Variants in MARCHF11 observed in about 807,000 individuals in gnomAD.
MARCHF11 encodes membrane associated ring-CH-type finger 11.
In MARCHF11, 29 loss-of-function variants were observed where a neutral mutation model predicts 37.3. The observed-to-expected ratio is 0.78, with a 90% CI of 0.58 to 1.06. The LOEUF is 1.06. Among genes scored for constraint, MARCHF11 ranks in the 50% least tolerant of loss-of-function variants. The pLI is 0.00. For synonymous variants in MARCHF11, 233 were observed against 228.0 expected (o/e 1.02, Z -0.20); for missense variants, 482 against 533.4 (o/e 0.90, Z 0.95).
chr5:16,069,822 A>G lies in MARCHF11; in HGVS notation c.887-2029T>C, dbSNP rs561231817. Reference sequence around the variant, plus strand: ...CTTGGACAGACTATTACCTTTTTCCATCAGATAAAACAATGCCAGGTGGTG... The same window carrying G: ...CTTGGACAGACTATTACCTTTTTCCGTCAGATAAAACAATGCCAGGTGGTG... On this transcript the variant is annotated intron_variant, in intron 3 of 3. Coordinates refer to ENST00000332432, the MANE Select transcript of MARCHF11 (RefSeq NM_001102562.3). Among the ~76,000 whole-genome samples, 5 of 152,302 alleles carry G rather than the reference A, an allele frequency of 3.3e-5. 1 individual carries two copies. Among genetic ancestry groups the G allele is most frequent in the African/African-American group, 1.2e-4 (5 of 41,562 alleles).
intron 3 of MARCHF11, among the ~76,000 whole-genome samples, chr5:16,082,160 G>A (rs945432808): frequency 1.3e-5 from 2 of 152,210 alleles, no homozygotes; most frequent in African/African-American, 2.4e-5. Context: ...CCGCTTTCCA[G>A]GGGCTTTCCC....
At position 16,179,136 on chromosome 5, in the gene MARCHF11, CTGCTGCACACCGAGCGCG is replaced by C; in HGVS notation, c.422_439del (p.Thr141_Ser146del). The C allele has an allele frequency of 6.7e-7, 1 of 1,481,606 alleles. No individual in the cohort carries two copies. Among genetic ancestry groups the C allele is most frequent in the Non-Finnish European group, 8.9e-7 (1 of 1,123,024 alleles). The allele number at this position is 1,481,606 out of a possible 1,614,324, so 91.8% of individuals were successfully genotyped here. A position where few individuals can be genotyped will look rare whatever the true frequency, so the allele number is the denominator to read the frequency against. The stretch of plus-strand genomic sequence containing the variant: ...GCCGCCGCCACTGCTGCTGCTGCGG[CTGCTGCACACCGAGCGCG>C]TCTCGGGCTGGTCTCCGGCGCCCCG... On this transcript the variant is annotated inframe_deletion, in exon 1 of 4. Coordinates refer to ENST00000332432, the MANE Select transcript of MARCHF11 (RefSeq NM_001102562.3).
chr5:16,107,230 C>T (rs1325618276), intron 2 of MARCHF11, among the ~76,000 whole-genome samples: 1 of 152,150 alleles, frequency 6.6e-6, no homozygotes, highest in East Asian at 1.9e-4. Flanking sequence ...ATAAAATGTG[C>T]AGGCAAATTT....
chr5:16,110,875 G>A (rs1737125748), intron 2 of MARCHF11, among the ~76,000 whole-genome samples: 1 of 152,168 alleles, frequency 6.6e-6, no homozygotes, highest in African/African-American at 2.4e-5. Flanking sequence ...CCCATGTGTT[G>A]TGGGAGGGAC....
intron 3 of MARCHF11, among the ~76,000 whole-genome samples, chr5:16,084,077 T>C (rs1022647470): frequency 6.6e-6 from 1 of 152,216 alleles, no homozygotes; most frequent in African/African-American, 2.4e-5. Context: ...GTGAAACTTT[T>C]AGCTACTCCA....
chr5:16,112,948 C>A (rs766847320), intron 2 of MARCHF11, among the ~76,000 whole-genome samples: 1 of 152,140 alleles, frequency 6.6e-6, no homozygotes, highest in Admixed American at 6.5e-5. Context: ...GCCTCCCCAG[C>A]CACATGGAAC....
At chr5:16,078,216 A>T (rs938800277) in intron 3 of MARCHF11, among the ~76,000 whole-genome samples, 3 of 152,150 alleles carry the variant, frequency 2.0e-5, no homozygotes, top group Non-Finnish European at 4.4e-5. Context: ...CCTGCTCACC[A>T]TCTGTTTGAT....
At chr5:16,101,028 TAC>T (rs1007679577) in intron 2 of MARCHF11, among the ~76,000 whole-genome samples, 2 of 151,690 alleles carry the variant, frequency 1.3e-5, no homozygotes, top group Non-Finnish European at 2.9e-5. Flanking sequence ...GACTACAGGG[TAC>T]AGAGTCCACA....
intron 2 of MARCHF11, 92 bp from the exon 3 acceptor site, chr5:16,091,173 G>T: frequency 2.5e-5 from 25 of 1,004,682 alleles, no homozygotes; most frequent in Non-Finnish European, 3.0e-5. Flanking sequence ...TTTTCATAAT[G>T]TTAGACCCTT....
chr5:16,081,111 C>T (rs1579676138), intron 3 of MARCHF11, among the ~76,000 whole-genome samples: 1 of 152,146 alleles, frequency 6.6e-6, no homozygotes, highest in East Asian at 1.9e-4. Context: ...AATTCTTCTC[C>T]CCCATAGACT....
At chr5:16,115,318 G>A (rs1037464971) in intron 2 of MARCHF11, among the ~76,000 whole-genome samples, 51 of 152,176 alleles carry the variant, frequency 3.4e-4, no homozygotes, top group African/African-American at 1.1e-3. Context: ...CTGTGCGTCC[G>A]TGAATCTCAC....
rs1738444997 is a variant in MARCHF11, at chr5:16,179,730, A to AAGGTTCTGCAGCTGCGGC, written c.-173_-156dup. 2.7e-6 allele frequency: 1 copy of AAGGTTCTGCAGCTGCGGC among 366,842 alleles called. No homozygotes were observed. The highest frequency in any genetic ancestry group is 1.3e-4 in the South Asian group (1 of 7,708). The allele number at this position is 366,842 out of a possible 1,614,324, so 22.7% of individuals were successfully genotyped here. ...GGGGCGGGACGGGGAGGGGATGCGG[A>AAGGTTCTGCAGCTGCGGC]AGGTTCTGCAGCTGCGGCGGCGGCA... On this transcript the variant is annotated 5_prime_UTR_variant, in exon 1 of 4. Transcript: ENST00000332432.
chr5:16,076,295 A>ATT (rs11451511), intron 3 of MARCHF11, among the ~76,000 whole-genome samples: 1 of 151,944 alleles, frequency 6.6e-6, no homozygotes. Context: ...CTTTTTTATC[A>ATT]TTTTTTTTAA....
intron 2 of MARCHF11, among the ~76,000 whole-genome samples, chr5:16,128,424 CT>C (rs751230610): frequency 1.1e-4 from 16 of 152,158 alleles, no homozygotes; most frequent in Admixed American, 2.0e-4. Flanking sequence ...TTGTGCACAG[CT>C]TTGCAAGTTG....
chr5:16,175,719 C>CT (rs2126612424), intron 2 of MARCHF11, among the ~76,000 whole-genome samples: 1 of 152,320 alleles, frequency 6.6e-6, no homozygotes, highest in East Asian at 1.9e-4. Context: ...ACCACCTATT[C>CT]ACAAGGGATT....
chr5:16,074,969 A>G (rs112610071), intron 3 of MARCHF11, among the ~76,000 whole-genome samples: 2,078 of 152,318 alleles, frequency 0.014, 41 homozygotes, highest in African/African-American at 0.042. Flanking sequence ...GGACACAAAA[A>G]GCACATCTGT....
At chr5:16,162,712 G>A (rs1373024048) in intron 2 of MARCHF11, among the ~76,000 whole-genome samples, 1 of 151,774 alleles carries the variant, frequency 6.6e-6, no homozygotes, top group Non-Finnish European at 1.5e-5. Context: ...CCAGTGACTA[G>A]AATACTGGTA....
chr5:16,113,763 A>G (rs1230748692), intron 2 of MARCHF11, among the ~76,000 whole-genome samples: 1 of 152,170 alleles, frequency 6.6e-6, no homozygotes, highest in East Asian at 1.9e-4. Flanking sequence ...ATTACCTCCA[A>G]TATTTATCAC....
chr5:16,136,951 T>C (rs1434961628), intron 2 of MARCHF11, among the ~76,000 whole-genome samples: 2 of 151,870 alleles, frequency 1.3e-5, no homozygotes, highest in Non-Finnish European at 2.9e-5. Context: ...AGTTATCTAA[T>C]CTAAAAGAGT....
Sources: gnomAD v4.1 joint callset for allele counts (sites outside exome capture counted in the v4.1 genomes callset) on GRCh38, gnomAD v4.1.1 for gene constraint, MANE v1.5 for transcripts, NCBI Gene and HGNC (gene_info 2026-07-23, HGNC 2026-07-21) for gene names.